The following EPHB1 variants were observed in gnomAD, a reference collection of about 807,000 sequenced individuals.
The protein encoded by EPHB1 is EPH receptor B1, also known as ephrin type-B receptor 1.
A neutral mutation model predicts 94.4 loss-of-function variants in EPHB1; 30 were observed. The observed-to-expected ratio is 0.32, with a 90% CI of 0.24 to 0.43. The LOEUF is 0.43. Ranked by LOEUF, EPHB1 falls within the 20% of genes least tolerant of loss-of-function variation. The pLI is 1.00. For missense variants in EPHB1, 1,055 were observed against 1,308.3 expected (o/e 0.81, Z 2.99); for synonymous variants, 522 against 489.1 (o/e 1.07, Z -0.89).
intron 4 of EPHB1, among the ~76,000 whole-genome samples, chr3:135,124,841 A>C (rs1470218907): frequency 6.6e-6 from 1 of 151,564 alleles, no homozygotes; most frequent in African/African-American, 2.4e-5. Flanking sequence ...TCCTTGCCCC[A>C]GTGAGATATC....
chr3:135,149,066 C>A (rs1941107916), intron 5 of EPHB1, among the ~76,000 whole-genome samples: 2 of 152,198 alleles, frequency 1.3e-5, no homozygotes, highest in South Asian at 4.1e-4. Flanking sequence ...GGGTGCAGGG[C>A]ACCTTTGATT....
chr3:135,022,506 C>G (rs1284869815), intron 3 of EPHB1, among the ~76,000 whole-genome samples: 2 of 152,160 alleles, frequency 1.3e-5, no homozygotes, highest in Non-Finnish European at 2.9e-5. Flanking sequence ...GTCTTGGAAT[C>G]TTTCTCAGAT....
chr3:135,232,428 C>G lies in EPHB1; in HGVS notation c.2347-8720C>G, dbSNP rs79018384. 2.4e-4 allele frequency among the ~76,000 whole-genome samples: 36 copies of G among 152,310 alleles called. 1 individual carries two copies. In the East Asian group the frequency reaches 3.9e-3, roughly 16 times the overall value. ...AATGGATTGCACAGACCCTCACTCGCAAGCAGGTGCTATACCCAGGCTGGT... is the reference window on the plus strand; with the variant it reads ...AATGGATTGCACAGACCCTCACTCGGAAGCAGGTGCTATACCCAGGCTGGT... On this transcript the variant is annotated intron_variant, in intron 12 of 15. Coordinates refer to ENST00000398015, the MANE Select transcript of EPHB1 (RefSeq NM_004441.5).
chr3:134,840,865 C>T lies in EPHB1; in HGVS notation c.58+45176C>T, dbSNP rs560143451. On this transcript the variant is annotated intron_variant, in intron 1 of 15. Coordinates refer to ENST00000398015, the MANE Select transcript of EPHB1 (RefSeq NM_004441.5). ...AGAGTTTCCTGGGAAGCTTCCAGCA[C>T]AGGGTGGGATTTAGTGACCTGGCTG... Among the ~76,000 whole-genome samples the T allele has an allele frequency of 2.0e-5, 3 of 152,282 alleles. No individual in the cohort carries two copies. In the South Asian group the frequency reaches 6.2e-4, roughly 32 times the overall value.
chr3:135,179,370 T>C (rs1482175410), intron 9 of EPHB1, among the ~76,000 whole-genome samples: 1 of 152,148 alleles, frequency 6.6e-6, no homozygotes, highest in African/African-American at 2.4e-5. Flanking sequence ...ATTTCTCTCT[T>C]TGTAAAAAAA....
intron 2 of EPHB1, among the ~76,000 whole-genome samples, chr3:134,933,596 C>T (rs902330958): frequency 3.9e-5 from 6 of 152,096 alleles, no homozygotes; most frequent in African/African-American, 1.4e-4. Flanking sequence ...TGCCTTATAG[C>T]CAGGCACACA....
intron 1 of EPHB1, among the ~76,000 whole-genome samples, chr3:134,813,025 T>G (rs1486064400): frequency 6.6e-6 from 1 of 152,216 alleles, no homozygotes; most frequent in Non-Finnish European, 1.5e-5. Context: ...CAATTTGGGT[T>G]GCCCTGTTGT....
At chr3:134,991,814 A>G (rs36094) in intron 3 of EPHB1, among the ~76,000 whole-genome samples, 97,121 of 151,992 alleles carry the variant, frequency 0.64, 33,067 homozygotes, top group African/African-American at 0.86. Context: ...CTGACCCGTC[A>G]TGTCCCCAGG....
At chr3:134,988,685 T>C (rs546097773) in intron 3 of EPHB1, among the ~76,000 whole-genome samples, 5 of 152,248 alleles carry the variant, frequency 3.3e-5, no homozygotes, top group Non-Finnish European at 5.9e-5. Context: ...TTTTTACTTG[T>C]ATTACTCACA....
intron 3 of EPHB1, among the ~76,000 whole-genome samples, chr3:135,031,040 C>T (rs925025550): frequency 6.6e-6 from 1 of 152,220 alleles, no homozygotes; most frequent in African/African-American, 2.4e-5. Context: ...TCCCTGACCC[C>T]TTGCGCTTCC....
intron 1 of EPHB1, among the ~76,000 whole-genome samples, chr3:134,902,309 A>C (rs1365479088): frequency 1.3e-5 from 2 of 152,190 alleles, no homozygotes; most frequent in African/African-American, 4.8e-5. Context: ...GAGGGGAGCC[A>C]GGAGTCCAGG....
chr3:134,971,658 C>T (rs182207977), intron 3 of EPHB1, among the ~76,000 whole-genome samples: 1 of 152,286 alleles, frequency 6.6e-6, no homozygotes, highest in East Asian at 1.9e-4. Context: ...GGACACTAGT[C>T]CCTTTAGGTA....
intron 6 of EPHB1, among the ~76,000 whole-genome samples, chr3:135,159,828 A>G (rs1445934929): frequency 1.3e-5 from 2 of 152,206 alleles, no homozygotes; most frequent in Non-Finnish European, 2.9e-5. Context: ...TGAATCATTT[A>G]TGGGCATTTC....
chr3:134,913,612 G>A (rs185404152), intron 1 of EPHB1, among the ~76,000 whole-genome samples: 3 of 152,328 alleles, frequency 2.0e-5, no homozygotes, highest in East Asian at 3.9e-4. Flanking sequence ...TATGGCCGGG[G>A]CCCCTAACCC....
At chr3:135,231,274 C>A (rs1159349835) in intron 12 of EPHB1, among the ~76,000 whole-genome samples, 2 of 152,142 alleles carry the variant, frequency 1.3e-5, no homozygotes, top group African/African-American at 4.8e-5. Context: ...TGCCTGTATC[C>A]TGGCCATCAG....
intron 11 of EPHB1, among the ~76,000 whole-genome samples, chr3:135,195,492 A>C (rs1942575794): frequency 6.8e-6 from 1 of 146,448 alleles, no homozygotes; most frequent in Non-Finnish European, 1.5e-5. Flanking sequence ...CCATCTCCCC[A>C]CCCCACCACA....
chr3:134,950,939 T>C (rs942595750), intron 2 of EPHB1, among the ~76,000 whole-genome samples: 5 of 152,158 alleles, frequency 3.3e-5, no homozygotes, highest in Non-Finnish European at 2.9e-5. Context: ...AGAAATTAGG[T>C]TCAAAGATGG....
At chr3:134,976,825 C>T (rs1934210464) in intron 3 of EPHB1, among the ~76,000 whole-genome samples, 1 of 152,180 alleles carries the variant, frequency 6.6e-6, no homozygotes, top group Non-Finnish European at 1.5e-5. Flanking sequence ...ATAGAAACAG[C>T]AGCTCAGATA....
intron 3 of EPHB1, among the ~76,000 whole-genome samples, chr3:135,031,255 G>T (rs60542490): frequency 0.011 from 1,734 of 152,206 alleles, 63 homozygotes; most frequent in East Asian, 0.082. Context: ...CCCTCAAGAA[G>T]GTTACAAAGA....
Sources: gnomAD v4.1 joint callset for allele counts (sites outside exome capture counted in the v4.1 genomes callset) on GRCh38, gnomAD v4.1.1 for gene constraint, MANE v1.5 for transcripts, NCBI Gene and HGNC (gene_info 2026-07-23, HGNC 2026-07-21) for gene names.